The following INSL6 variants were observed in gnomAD, a reference collection of about 807,000 sequenced individuals.
INSL6 encodes insulin like 6, also known as insulin-like peptide INSL6.
A neutral mutation model predicts 9.4 loss-of-function variants in INSL6; 16 were observed. That is an observed-to-expected ratio of 1.70 (90% CI 1.15 to 2.59). The LOEUF is 2.59. INSL6 is among the 30% of genes most tolerant of loss of function. The pLI, the probability that INSL6 is intolerant of heterozygous loss-of-function variation, is 0.00. For synonymous variants in INSL6, 154 were observed against 96.9 expected, an observed-to-expected ratio of 1.59 and a Z score of -3.46; for missense variants, 391 against 257.3, an observed-to-expected ratio of 1.52 and a Z score of -3.56.
At chr9:5,031,555 A>G in the INSL6 span, among the ~76,000 whole-genome samples, 1 of 152,220 alleles carries the variant, frequency 6.6e-6, no homozygotes, top group East Asian at 1.9e-4. Flanking sequence ...AATGTATATC[A>G]GATAAATTAT....
chr9:5,110,602 C>A, the INSL6 span: 1 of 185,728 alleles, frequency 5.4e-6, no homozygotes, highest in East Asian at 1.6e-4. Flanking sequence ...CTTGCACTTA[C>A]AGATATGCCT....
At chr9:5,122,155 G>C (rs926747804), downstream of INSL6, among the ~76,000 whole-genome samples, 6 of 152,060 alleles carry the variant, frequency 3.9e-5, no homozygotes, top group African/African-American at 1.4e-4. Flanking sequence ...TTTTGAAGGA[G>C]AGATTAAATC....
At chr9:5,031,366 T>C in the INSL6 span, among the ~76,000 whole-genome samples, 1 of 152,182 alleles carries the variant, frequency 6.6e-6, no homozygotes, top group African/African-American at 2.4e-5. Context: ...TTCAGAATCA[T>C]AAACTAAATA....
the INSL6 span, among the ~76,000 whole-genome samples, chr9:5,118,233 TTTTA>T: frequency 2.0e-5 from 3 of 152,210 alleles, no homozygotes; most frequent in African/African-American, 4.8e-5. Flanking sequence ...ATGAATAGAC[TTTTA>T]TTTTTTTGTA....
At chr9:5,078,054 T>C in the INSL6 span, among the ~76,000 whole-genome samples, 2 of 152,190 alleles carry the variant, frequency 1.3e-5, no homozygotes, top group Non-Finnish European at 2.9e-5. Context: ...ATGTCAGCCT[T>C]AGAACTCATG....
chr9:5,171,222 T>C (rs941932115), intron 1 of INSL6, among the ~76,000 whole-genome samples: 1 of 152,078 alleles, frequency 6.6e-6, no homozygotes, highest in African/African-American at 2.4e-5. Context: ...CATAAACATA[T>C]CTAAAGACAA....
the INSL6 span, chr9:5,091,041 T>A: frequency 7.1e-6 from 5 of 707,004 alleles, no homozygotes; most frequent in Non-Finnish European, 1.1e-5. Flanking sequence ...AGTCTTACAT[T>A]TAACTTTTTT....
At chr9:5,044,501 T>C in the INSL6 span, 1 of 1,602,256 alleles carries the variant, frequency 6.2e-7, no homozygotes, top group Non-Finnish European at 8.5e-7. Flanking sequence ...GACTTTGTCA[T>C]GTCTTACCTC....
the INSL6 span, among the ~76,000 whole-genome samples, chr9:5,023,441 G>A: frequency 0.21 from 32,288 of 152,026 alleles, 4,331 homozygotes; most frequent in South Asian, 0.32. Flanking sequence ...CTCGGGGGGA[G>A]CGTGGGACCC....
At chr9:5,151,048 G>C (rs548983887) in intron 2 of INSL6, among the ~76,000 whole-genome samples, 24 of 152,290 alleles carry the variant, frequency 1.6e-4, no homozygotes, top group African/African-American at 4.8e-4. Context: ...TGGTTGTAAA[G>C]TATGGAATGA....
At chr9:5,107,747 C>A in the INSL6 span, among the ~76,000 whole-genome samples, 2 of 152,096 alleles carry the variant, frequency 1.3e-5, no homozygotes, top group Non-Finnish European at 2.9e-5. Context: ...AGGCATAATA[C>A]TGTCAATATT....
At chr9:5,093,923 A>T in the INSL6 span, among the ~76,000 whole-genome samples, 1 of 152,138 alleles carries the variant, frequency 6.6e-6, no homozygotes. Context: ...TCCTAGTATG[A>T]AAGGACAAGA....
chr9:5,080,440 CAT>C, the INSL6 span: 4 of 1,541,038 alleles, frequency 2.6e-6, no homozygotes, highest in East Asian at 2.3e-5. Context: ...ATTTCTTTCA[CAT>C]GATTTGTATT....
intron 1 of INSL6, among the ~76,000 whole-genome samples, chr9:5,166,179 C>A (rs565964423): frequency 1.3e-5 from 2 of 152,246 alleles, no homozygotes; most frequent in South Asian, 4.2e-4. Context: ...AAAAGATTCA[C>A]AGAGAGAGAG....
chr9:5,019,782 G>C, the INSL6 span, among the ~76,000 whole-genome samples: 7 of 152,300 alleles, frequency 4.6e-5, no homozygotes, highest in East Asian at 9.6e-4. Context: ...TGTAGTCTCT[G>C]TAAGATTTTT....
intron 2 of INSL6, among the ~76,000 whole-genome samples, chr9:5,136,616 T>G (rs1824391058): frequency 1.3e-5 from 2 of 152,200 alleles, no homozygotes; most frequent in South Asian, 4.1e-4. Context: ...TGATGGAACA[T>G]ATCTCAAAAT....
At chr9:5,083,583 C>G in the INSL6 span, among the ~76,000 whole-genome samples, 1 of 152,066 alleles carries the variant, frequency 6.6e-6, no homozygotes, top group Admixed American at 6.6e-5. Context: ...TGTTTGCTTG[C>G]CCTTTTTTTC....
chr9:5,173,354 C>G (rs141416034), intron 1 of INSL6, among the ~76,000 whole-genome samples: 28 of 152,252 alleles, frequency 1.8e-4, no homozygotes, highest in African/African-American at 6.3e-4. Flanking sequence ...GACATGAATT[C>G]AACCCAAATG....
intron 2 of INSL6, among the ~76,000 whole-genome samples, chr9:5,149,890 A>G (rs72701648): frequency 1.3e-5 from 2 of 152,218 alleles, no homozygotes; most frequent in African/African-American, 2.4e-5. Context: ...TACTCATATA[A>G]AAACAGACAC....
Sources: gnomAD v4.1 joint callset for allele counts (sites outside exome capture counted in the v4.1 genomes callset) on GRCh38, gnomAD v4.1.1 for gene constraint, MANE v1.5 for transcripts, NCBI Gene and HGNC (gene_info 2026-07-23, HGNC 2026-07-21) for gene names.